CDH18: variants seen among roughly 807,000 people sequenced by gnomAD.
The protein encoded by CDH18 is cadherin 18.
In CDH18, 31 loss-of-function variants were observed where a neutral mutation model predicts 67.9. The observed-to-expected ratio is 0.46, with a 90% CI of 0.34 to 0.62. The LOEUF is 0.62. Ranked by LOEUF, CDH18 falls within the 20% of genes least tolerant of loss-of-function variation. CDH18 has a pLI of 0.01. For missense variants in CDH18, 890 were observed against 975.5 expected (o/e 0.91, Z 1.17); for synonymous variants, 362 against 347.2 (o/e 1.04, Z -0.48).
chr5:20,031,079 G>A (rs2150451454), intron 2 of CDH18, among the ~76,000 whole-genome samples: 1 of 152,144 alleles, frequency 6.6e-6, no homozygotes, highest in East Asian at 1.9e-4. Context: ...AGGAATCTCA[G>A]CTATATCATT....
chr5:20,253,551 ATTTTT>A (rs991780604), intron 2 of CDH18, among the ~76,000 whole-genome samples: 1 of 152,128 alleles, frequency 6.6e-6, no homozygotes, highest in Non-Finnish European at 1.5e-5. Context: ...TGTAATAACC[ATTTTT>A]TTGAAAAGAA....
intron 2 of CDH18, among the ~76,000 whole-genome samples, chr5:19,891,141 C>T (rs1788742596): frequency 6.6e-6 from 1 of 152,100 alleles, no homozygotes; most frequent in African/African-American, 2.4e-5. Flanking sequence ...TTTTACCTAT[C>T]CCTGTTCTAA....
intron 2 of CDH18, among the ~76,000 whole-genome samples, chr5:19,899,030 T>C (rs1789646803): frequency 6.6e-6 from 1 of 152,108 alleles, no homozygotes; most frequent in African/African-American, 2.4e-5. Flanking sequence ...AAGACACACA[T>C]ATGTGGCTGA....
At chr5:20,471,833 T>TAA (rs70954659) in intron 1 of CDH18, among the ~76,000 whole-genome samples, 1 of 51,496 alleles carries the variant, frequency 1.9e-5, no homozygotes, top group East Asian at 5.6e-4. Flanking sequence ...AGATTCAGTC[T>TAA]AAAAAAAAAA....
At chr5:20,360,335 G>T (rs1580828968) in intron 1 of CDH18, among the ~76,000 whole-genome samples, 4 of 152,094 alleles carry the variant, frequency 2.6e-5, no homozygotes, top group Admixed American at 2.6e-4. Flanking sequence ...ATTAAAGAAA[G>T]GGCAACCTCT....
Position 19,472,024 on chromosome 5 carries a change from G to A in CDH18, c.*1202C>T, listed in dbSNP as rs1737691787. On this transcript the variant is annotated 3_prime_UTR_variant, in exon 13 of 13. Coordinates refer to ENST00000382275, the MANE Select transcript of CDH18 (RefSeq NM_004934.5). ...TGGACCCTGAACACAGAGACTTTCG[G>A]AAACATATCTGAGGATAATAACTGT... is the stretch of plus-strand genomic sequence containing the variant. 6.6e-6 allele frequency among the ~76,000 whole-genome samples: 1 copy of A among 152,112 alleles called. No individual in the cohort carries two copies. Among genetic ancestry groups the A allele is most frequent in the South Asian group, 2.1e-4 (1 of 4,828 alleles).
intron 6 of CDH18, among the ~76,000 whole-genome samples, chr5:19,593,148 G>A (rs532488164): frequency 3.3e-5 from 5 of 152,048 alleles, no homozygotes; most frequent in African/African-American, 1.2e-4. Flanking sequence ...ATATTTATTT[G>A]TAATCCTGAT....
chr5:19,818,334 T>G (rs765504909), intron 3 of CDH18, among the ~76,000 whole-genome samples: 1 of 152,162 alleles, frequency 6.6e-6, no homozygotes, highest in Non-Finnish European at 1.5e-5. Flanking sequence ...CATTATGATG[T>G]ATGACATGAA....
chr5:20,030,290 GA>G (rs1268579458), intron 2 of CDH18, among the ~76,000 whole-genome samples: 1 of 152,156 alleles, frequency 6.6e-6, no homozygotes, highest in East Asian at 1.9e-4. Flanking sequence ...TATTTATAGA[GA>G]AAAAAATCAA....
intron 1 of CDH18, among the ~76,000 whole-genome samples, chr5:20,545,329 C>T (rs1757281747): frequency 2.0e-5 from 3 of 152,204 alleles, no homozygotes; most frequent in Admixed American, 2.0e-4. Flanking sequence ...TTCCACTAGG[C>T]AATGCCCCAG....
At chr5:20,338,136 G>T (rs1399141438) in intron 1 of CDH18, among the ~76,000 whole-genome samples, 6 of 152,154 alleles carry the variant, frequency 3.9e-5, no homozygotes, top group Non-Finnish European at 7.3e-5. Flanking sequence ...GATGAGATTT[G>T]GGTGGAGGCA....
At chr5:19,880,745 T>C (rs1313008874) in intron 2 of CDH18, among the ~76,000 whole-genome samples, 2 of 152,196 alleles carry the variant, frequency 1.3e-5, no homozygotes, top group African/African-American at 2.4e-5. Context: ...CATTTTTTAA[T>C]GCAACATCCA....
chr5:19,811,078 A>G (rs561964756), intron 3 of CDH18, among the ~76,000 whole-genome samples: 1 of 124,762 alleles, frequency 8.0e-6, no homozygotes, highest in Admixed American at 8.9e-5. Context: ...GAGAAAGAGA[A>G]AAAGAAAGAA....
In CDH18 at chr5:19,942,928, G is replaced by A. The variant is rs572976475; in HGVS notation, c.-257+38132C>T. ...ATAGCAAACACAGGCCTTGGAGATGGGACTGGGTGACCCATGTCGGGGGCT... is the reference window on the plus strand; with the variant it reads ...ATAGCAAACACAGGCCTTGGAGATGAGACTGGGTGACCCATGTCGGGGGCT... On this transcript the variant is annotated intron_variant, in intron 2 of 12. Transcript: ENST00000382275. Among the ~76,000 whole-genome samples the A allele has an allele frequency of 1.2e-4, 19 of 152,196 alleles. No individual in the cohort carries two copies. In the South Asian group the frequency reaches 3.9e-3, roughly 32 times the overall value.
chr5:20,154,502 G>A lies in CDH18; in HGVS notation c.-518+100942C>T, dbSNP rs1409657622. On this transcript the variant is annotated intron_variant, in intron 2 of 14. Coordinates refer to the CDH18 transcript ENST00000507958. Reference sequence around the variant, plus strand: ...TTCATTTTTTCCAATTGCTTTTGGAGACAAAACAGAATAAAAAATTTTAAC... The same window carrying A: ...TTCATTTTTTCCAATTGCTTTTGGAAACAAAACAGAATAAAAAATTTTAAC... 2.0e-5 allele frequency among the ~76,000 whole-genome samples: 3 copies of A among 152,004 alleles called. No individual in the cohort carries two copies. In the East Asian group the frequency reaches 5.8e-4, roughly 29 times the overall value.
chr5:19,887,845 T>G (rs1246925605), intron 2 of CDH18, among the ~76,000 whole-genome samples: 4 of 152,042 alleles, frequency 2.6e-5, no homozygotes, highest in African/African-American at 9.7e-5. Flanking sequence ...GTGTTGAGAT[T>G]TACAGATGTG....
intron 2 of CDH18, among the ~76,000 whole-genome samples, chr5:19,846,989 G>C (rs1783050161): frequency 6.6e-6 from 1 of 151,864 alleles, no homozygotes; most frequent in Admixed American, 6.6e-5. Flanking sequence ...TTTCTGCTTA[G>C]AAATCTGTTC....
intron 2 of CDH18, among the ~76,000 whole-genome samples, chr5:20,250,339 C>G (rs1023595498): frequency 2.6e-5 from 4 of 151,762 alleles, no homozygotes; most frequent in Non-Finnish European, 5.9e-5. Flanking sequence ...TGTCGCCAGG[C>G]TGGAGTGCAG....
At chr5:19,822,346 C>A (rs1779957377) in intron 3 of CDH18, among the ~76,000 whole-genome samples, 1 of 152,046 alleles carries the variant, frequency 6.6e-6, no homozygotes, top group African/African-American at 2.4e-5. Context: ...ATTAAACCAA[C>A]AACAATAAGA....
Sources: allele counts gnomAD v4.1 joint callset (sites outside exome capture counted in the v4.1 genomes callset), GRCh38; gene constraint gnomAD v4.1.1; transcripts MANE v1.5; gene names NCBI Gene and HGNC (gene_info 2026-07-23, HGNC 2026-07-21).